The following TENM2 variants were observed in gnomAD, a reference collection of about 807,000 sequenced individuals.
The protein encoded by TENM2 is teneurin-2.
TENM2 carries 52 observed loss-of-function variants against 245.2 expected under a neutral mutation model. That is an observed-to-expected ratio of 0.21 (90% CI 0.17 to 0.27). The LOEUF is 0.27. Among genes scored for constraint, TENM2 ranks in the 10% least tolerant of loss-of-function variants. The probability of loss-of-function intolerance (pLI) is 1.00; values close to 1 mark genes in which losing one functional copy is unlikely to be tolerated. For missense variants in TENM2, 3,046 were observed against 3,666.8 expected, an observed-to-expected ratio of 0.83 and a Z score of 4.37; for synonymous variants, 1,363 against 1,438.9, an observed-to-expected ratio of 0.95 and a Z score of 1.19.
chr5:167,838,858 GA>G (rs1769234894), intron 2 of TENM2, among the ~76,000 whole-genome samples: 1 of 152,186 alleles, frequency 6.6e-6, no homozygotes. Flanking sequence ...AATAATGAAT[GA>G]GGACTTCTTT....
chr5:167,024,253 A>G, the TENM2 span, among the ~76,000 whole-genome samples: 2,961 of 152,280 alleles, frequency 0.019, 87 homozygotes, highest in African/African-American at 0.067. Flanking sequence ...TTGGTAAATC[A>G]TTAGAAAATC....
At chr5:167,234,313 T>C in the TENM2 span, among the ~76,000 whole-genome samples, 1 of 152,220 alleles carries the variant, frequency 6.6e-6, no homozygotes, top group Non-Finnish European at 1.5e-5. Context: ...CATGTTTTAC[T>C]CTTCTTCGCT....
At chr5:166,979,194 C>CAGCAG in the TENM2 span, among the ~76,000 whole-genome samples, 844 of 142,110 alleles carry the variant, frequency 5.9e-3, 4 homozygotes, top group African/African-American at 0.022. Context: ...AGCACCACCA[C>CAGCAG]CAGCAGCAGC....
At chr5:167,534,946 A>G (rs755823665) in intron 2 of TENM2, among the ~76,000 whole-genome samples, 16 of 152,126 alleles carry the variant, frequency 1.1e-4, no homozygotes, top group East Asian at 3.9e-4. Flanking sequence ...TTGTTTTTCT[A>G]TCTTTGTCAG....
intron 2 of TENM2, among the ~76,000 whole-genome samples, chr5:167,652,734 C>A (rs1754561642): frequency 6.6e-6 from 1 of 152,310 alleles, no homozygotes; most frequent in East Asian, 1.9e-4. Flanking sequence ...ATTTGTACTT[C>A]CCTTTGCATT....
chr5:167,122,995 T>C, the TENM2 span, among the ~76,000 whole-genome samples: 1 of 152,210 alleles, frequency 6.6e-6, no homozygotes, highest in East Asian at 1.9e-4. Flanking sequence ...TTCAGCATCA[T>C]AGACAATATT....
intron 2 of TENM2, among the ~76,000 whole-genome samples, chr5:167,683,249 C>CTTTTTTTTTTTT (rs1554100261): frequency 1.5e-5 from 1 of 67,364 alleles, no homozygotes; most frequent in African/African-American, 1.4e-4. Context: ...AGGACCATGT[C>CTTTTTTTTTTTT]TTTTTTTTTT....
At chr5:167,921,242 A>T (rs965111148) in intron 3 of TENM2, among the ~76,000 whole-genome samples, 6 of 152,332 alleles carry the variant, frequency 3.9e-5, no homozygotes, top group African/African-American at 1.4e-4. Flanking sequence ...ATTGAAAAAT[A>T]TATTTATTAC....
At chr5:167,437,643 C>T (rs1048612336) in intron 2 of TENM2, among the ~76,000 whole-genome samples, 1 of 152,128 alleles carries the variant, frequency 6.6e-6, no homozygotes, top group Non-Finnish European at 1.5e-5. Context: ...GGAATTGTAA[C>T]TCCCACAATT....
At chr5:167,838,213 C>G (rs534158464) in intron 2 of TENM2, among the ~76,000 whole-genome samples, 33 of 152,320 alleles carry the variant, frequency 2.2e-4, no homozygotes, top group Non-Finnish European at 3.5e-4. Flanking sequence ...ATCTGATTAC[C>G]TGGCTCAAAT....
At chr5:167,140,468 C>T in the TENM2 span, among the ~76,000 whole-genome samples, 1 of 152,082 alleles carries the variant, frequency 6.6e-6, no homozygotes, top group Non-Finnish European at 1.5e-5. Context: ...TTTTTTACTT[C>T]TCAGCTAATA....
chr5:167,949,629 T>G (rs534304187), intron 3 of TENM2, among the ~76,000 whole-genome samples: 1 of 152,168 alleles, frequency 6.6e-6, no homozygotes, highest in South Asian at 2.1e-4. Flanking sequence ...TTTTCACCAG[T>G]TGGCAGATGA....
At chr5:168,085,731 C>A (rs1443098665) in intron 7 of TENM2, among the ~76,000 whole-genome samples, 1 of 152,170 alleles carries the variant, frequency 6.6e-6, no homozygotes, top group African/African-American at 2.4e-5. Flanking sequence ...ATGAACAGGC[C>A]CCCAGGAGTG....
chr5:168,239,823 C>T (rs535007856), intron 25 of TENM2, among the ~76,000 whole-genome samples: 2 of 152,036 alleles, frequency 1.3e-5, no homozygotes, highest in South Asian at 4.2e-4. Flanking sequence ...TGTGATTTTC[C>T]CATTGGTCTT....
At chr5:167,957,223 A>G (rs1351451202) in intron 4 of TENM2, among the ~76,000 whole-genome samples, 1 of 152,076 alleles carries the variant, frequency 6.6e-6, no homozygotes, top group African/African-American at 2.4e-5. Flanking sequence ...GTGTCCAGCA[A>G]TTTATCCATT....
chr5:167,129,816 GA>G, the TENM2 span, among the ~76,000 whole-genome samples: 1 of 152,014 alleles, frequency 6.6e-6, no homozygotes, highest in Non-Finnish European at 1.5e-5. Context: ...ATTTGGGTAA[GA>G]AAAAAATGAC....
At chr5:167,184,527 TTTAATGGCTGCAGA>T in the TENM2 span, among the ~76,000 whole-genome samples, 1 of 152,170 alleles carries the variant, frequency 6.6e-6, no homozygotes, top group Non-Finnish European at 1.5e-5. Context: ...GTCAGAGCAC[TTTAATGGCTGCAGA>T]AGTGATCAGG....
intron 4 of TENM2, among the ~76,000 whole-genome samples, chr5:167,966,194 G>A (rs934211367): frequency 3.9e-5 from 6 of 152,194 alleles, no homozygotes; most frequent in African/African-American, 7.2e-5. Flanking sequence ...TATGATTTAC[G>A]GGGAGAGGTT....
chr5:168,233,100 G>A (rs1246297397), intron 25 of TENM2, among the ~76,000 whole-genome samples: 2 of 152,182 alleles, frequency 1.3e-5, no homozygotes, highest in Non-Finnish European at 1.5e-5. Context: ...GGCCGAGGCG[G>A]GTGGATCACG....
Sources: allele counts gnomAD v4.1 joint callset (sites outside exome capture counted in the v4.1 genomes callset), GRCh38; gene constraint gnomAD v4.1.1; transcripts MANE v1.5; gene names NCBI Gene and HGNC (gene_info 2026-07-23, HGNC 2026-07-21).